Variants in SMCO2 observed in about 807,000 individuals in gnomAD.
SMCO2 encodes the protein single-pass membrane protein with coiled-coil domains 2.
In SMCO2, 25 loss-of-function variants were observed where a neutral mutation model predicts 29.5. That is an observed-to-expected ratio of 0.85 (90% CI 0.62 to 1.18). SMCO2 has a LOEUF of 1.18. SMCO2 is among the 50% of genes most tolerant of loss of function. The pLI is 0.00. For missense variants in SMCO2, 348 were observed against 344.5 expected (o/e 1.01, Z -0.08); for synonymous variants, 117 against 123.3 (o/e 0.95, Z 0.34).
upstream of SMCO2, among the ~76,000 whole-genome samples, chr12:27,463,183 G>A (rs1949471814): frequency 6.6e-6 from 1 of 152,228 alleles, no homozygotes; most frequent in South Asian, 2.1e-4. Context: ...AGGATGCCCT[G>A]TGTTTGTGGG....
At chr12:27,474,595 T>C (rs1337897489) in intron 3 of SMCO2, among the ~76,000 whole-genome samples, 191 bp from the exon 4 acceptor site, 1 of 152,184 alleles carries the variant, frequency 6.6e-6, no homozygotes, top group African/African-American at 2.4e-5. Flanking sequence ...TCCATGCCCC[T>C]GCCTCAGCTT....
chr12:27,499,144 A>T (rs918124504), intron 7 of SMCO2, among the ~76,000 whole-genome samples: 1 of 150,916 alleles, frequency 6.6e-6, no homozygotes, highest in Non-Finnish European at 1.5e-5. Flanking sequence ...ACAAATGTTC[A>T]TGGCAGCATT....
the SMCO2 span, among the ~76,000 whole-genome samples, chr12:27,456,833 C>T: frequency 6.6e-6 from 1 of 152,106 alleles, no homozygotes; most frequent in African/African-American, 2.4e-5. Flanking sequence ...CCTATTAGGA[C>T]CTGGGCCGCA....
chr12:27,483,747 A>C (rs982072217), intron 4 of SMCO2, among the ~76,000 whole-genome samples: 1 of 152,132 alleles, frequency 6.6e-6, no homozygotes. Flanking sequence ...TTTTAAAAAT[A>C]GTTAATTTGG....
intron 3 of SMCO2, 75 bp downstream of exon 3, chr12:27,472,950 A>T: frequency 9.6e-7 from 1 of 1,041,870 alleles, no homozygotes; most frequent in Non-Finnish European, 1.4e-6. Flanking sequence ...CACGCCGCAT[A>T]TCTTAAAGTG....
chr12:27,461,670 A>T, the SMCO2 span, among the ~76,000 whole-genome samples: 1 of 152,248 alleles, frequency 6.6e-6, no homozygotes, highest in African/African-American at 2.4e-5. Context: ...TTAATTGGTT[A>T]AAACATTCAT....
chr12:27,477,680 C>T (rs1207476012), intron 4 of SMCO2, among the ~76,000 whole-genome samples: 3 of 116,268 alleles, frequency 2.6e-5, no homozygotes, highest in African/African-American at 1.1e-4. Context: ...AAACACTTGT[C>T]TTCAAAGTTT....
intron 2 of SMCO2, 85 bp downstream of exon 2, chr12:27,470,850 T>C (rs1432521345): frequency 8.3e-6 from 12 of 1,441,536 alleles, no homozygotes; most frequent in Non-Finnish European, 9.3e-7. Flanking sequence ...AACGATGAGA[T>C]TTCCAGGTTC....
At chr12:27,427,128 T>A in the SMCO2 span, among the ~76,000 whole-genome samples, 1 of 151,962 alleles carries the variant, frequency 6.6e-6, no homozygotes, top group Non-Finnish European at 1.5e-5. Flanking sequence ...GCTAATAGAG[T>A]ATGGGAAGGT....
the SMCO2 span, among the ~76,000 whole-genome samples, chr12:27,436,642 A>T: frequency 1.3e-5 from 2 of 152,342 alleles, no homozygotes; most frequent in Admixed American, 1.3e-4. Flanking sequence ...ATGAATTTAA[A>T]AGTAATGAGA....
intron 3 of SMCO2, among the ~76,000 whole-genome samples, chr12:27,473,495 A>C: frequency 6.6e-6 from 1 of 151,832 alleles, no homozygotes; most frequent in East Asian, 1.9e-4. Context: ...ATCTGCAAAG[A>C]CTCTTTTTCC....
At chr12:27,440,213 G>T in the SMCO2 span, among the ~76,000 whole-genome samples, 1 of 152,104 alleles carries the variant, frequency 6.6e-6, no homozygotes, top group Non-Finnish European at 1.5e-5. Flanking sequence ...AGTGCTAAAA[G>T]AAAAATAAAA....
chr12:27,472,771 T>C lies in SMCO2; in HGVS notation c.135-5T>C. ...CAGCCTCTGTTTGGATTGTGTGGCT[T>C]GCAGTTTGCTAAAGGAAATTATCAA... On this transcript the variant is annotated splice_polypyrimidine_tract_variant and splice_region_variant and intron_variant, in intron 2 of 7. Coordinates refer to ENST00000298876, the Ensembl canonical transcript of SMCO2. 1.3e-6 allele frequency: 2 copies of C among 1,549,800 alleles called. No homozygotes were observed. The highest frequency in any genetic ancestry group is 1.7e-6 in the Non-Finnish European group (2 of 1,145,860).
At chr12:27,423,652 A>G in the SMCO2 span, 1 of 151,962 alleles carries the variant, frequency 6.6e-6, no homozygotes, top group Non-Finnish European at 1.5e-5. Context: ...TTTTAACCCT[A>G]AGAATTACCA....
intron 4 of SMCO2, among the ~76,000 whole-genome samples, chr12:27,478,685 G>A (rs1949612645): frequency 6.6e-6 from 1 of 152,174 alleles, no homozygotes; most frequent in Admixed American, 6.5e-5. Flanking sequence ...GCAGCAGGAA[G>A]GGTGGGCCTA....
At chr12:27,470,576 C>A in intron 1 of SMCO2, 46 bp from the exon 2 acceptor site, 1 of 1,532,634 alleles carries the variant, frequency 6.5e-7, no homozygotes, top group South Asian at 1.2e-5. Flanking sequence ...ATGTGGTTGC[C>A]ATTTCTGCCA....
At chr12:27,477,283 G>T (rs10771340) in intron 4 of SMCO2, among the ~76,000 whole-genome samples, 1 of 129,888 alleles carries the variant, frequency 7.7e-6, no homozygotes, top group African/African-American at 2.8e-5. Flanking sequence ...TTGCCTATAA[G>T]ATTTCTGCTG....
chr12:27,447,919 T>G, the SMCO2 span, among the ~76,000 whole-genome samples: 3 of 152,118 alleles, frequency 2.0e-5, no homozygotes. Context: ...GTGCCTCTCC[T>G]ATGTGCTGCC....
Position 27,470,115 on chromosome 12 carries a change from A to G in SMCO2, c.-10-507A>G, listed in dbSNP as rs75290295. Reference sequence around the variant, plus strand: ...ATTAGAAATAACCTAGTTGTCAACAATGGGAAAAGAATAAAACAAACACCA... The same window carrying G: ...ATTAGAAATAACCTAGTTGTCAACAGTGGGAAAAGAATAAAACAAACACCA... On this transcript the variant is annotated intron_variant, in intron 1 of 7. Coordinates refer to ENST00000298876, the Ensembl canonical transcript of SMCO2. Among the ~76,000 whole-genome samples the G allele has an allele frequency of 7.6e-4, 116 of 152,360 alleles. 1 individual carries two copies. In the East Asian group the frequency reaches 0.02, roughly 27 times the overall value.
Sources: gnomAD v4.1 joint callset for allele counts (sites outside exome capture counted in the v4.1 genomes callset) on GRCh38, gnomAD v4.1.1 for gene constraint, MANE v1.5 for transcripts, NCBI Gene and HGNC (gene_info 2026-07-23, HGNC 2026-07-21) for gene names.